Variants in SF3A1 observed in about 807,000 individuals in gnomAD.
The protein encoded by SF3A1 is splicing factor 3a subunit 1.
SF3A1 carries 13 observed loss-of-function variants against 89.9 expected under a neutral mutation model. The observed-to-expected ratio is 0.14, with a 90% CI of 0.09 to 0.23. SF3A1 has a LOEUF of 0.23. Ranked by LOEUF, SF3A1 falls within the 10% of genes least tolerant of loss-of-function variation. The pLI is 1.00. For synonymous variants in SF3A1, 405 were observed against 374.4 expected, an observed-to-expected ratio of 1.08 and a Z score of -0.94; for missense variants, 604 against 1,022.1, an observed-to-expected ratio of 0.59 and a Z score of 5.58.
Position 30,340,244 on chromosome 22 carries a change from C to T in SF3A1, c.1327G>A (p.Asp443Asn), listed in dbSNP as rs747017478. Reference sequence around the variant, plus strand: ...CTCTGCTTCTCACGGATGGAGCGATCCCGCTGCTCCAGCCAGCGAGGGTCA... The same window carrying T: ...CTCTGCTTCTCACGGATGGAGCGATTCCGCTGCTCCAGCCAGCGAGGGTCA... Reference protein sequence around the residue: ...LLDPRWLEQRDRSIREKQSDD... With the variant: ...LLDPRWLEQRNRSIREKQSDD... Residue 443 changes from aspartate to asparagine, a missense_variant, in exon 9 of 16, where the codon GAT becomes AAT. By Grantham distance (23) the Asp-to-Asn change is conservative. Around this residue, in one of 9 missense-constraint regions of SF3A1, gnomAD observed 146 missense variants for 228.5 expected, o/e 0.64. Transcript: ENST00000215793. 2 of 1,607,858 alleles carry T rather than the reference C, an allele frequency of 1.2e-6. No homozygotes were observed. Among genetic ancestry groups the T allele is most frequent in the African/African-American group, 1.3e-5 (1 of 74,520 alleles).
Position 30,340,304 on chromosome 22 carries a change from T to C in SF3A1, c.1267A>G (p.Ser423Gly), listed in dbSNP as rs1931208796. 1.2e-6 allele frequency: 2 copies of C among 1,613,040 alleles called. No individual in the cohort carries two copies. Among genetic ancestry groups the C allele is most frequent in the Non-Finnish European group, 1.7e-6 (2 of 1,179,762 alleles). ...SPITGEKIPA[S>G]KMQEHMRIGL... ...ATGCGCATGTGTTCCTGCATTTTGC[T>C]GGCGGGGATCTTCTCCCCAGTAATG... Residue 423 changes from serine (S) to glycine (G), a missense_variant, in exon 9 of 16, where the codon AGC (serine) becomes GGC (glycine). Physicochemically the swap from Ser to Gly is moderately conservative, Grantham distance 56 (BLOSUM62 0). Around this residue, in one of 9 missense-constraint regions of SF3A1, gnomAD observed 146 missense variants for 228.5 expected, o/e 0.64. Coordinates refer to ENST00000215793, the MANE Select transcript of SF3A1 (RefSeq NM_005877.6).
chr22:30,349,042 A>C (rs558402375), intron 2 of SF3A1, among the ~76,000 whole-genome samples: 24 of 152,368 alleles, frequency 1.6e-4, no homozygotes, highest in African/African-American at 5.8e-4. Flanking sequence ...GACTCAACCC[A>C]GCTGGTGGGA....
Position 30,356,720 on chromosome 22 carries a change from G to A in SF3A1, c.63+10C>T, listed in dbSNP as rs777836486. 15 of 1,489,284 alleles carry A rather than the reference G, an allele frequency of 1.0e-5. No individual in the cohort carries two copies. The Admixed American group carries it at 2.0e-4, about 20-fold the overall frequency. 92.3% of individuals were successfully genotyped at this position (1,489,284 alleles called of 1,614,324 possible). The stretch of plus-strand genomic sequence containing the variant: ...CTCCGGCTGCAGGCTGAGGGGCGGG[G>A]GAGAGGTACCTGTTTGGGCTCCGTG... On this transcript the variant is annotated intron_variant, in intron 1 of 15. Transcript: ENST00000215793.
chr22:30,352,805 T>C lies in SF3A1; in HGVS notation c.185+146A>G. On this transcript the variant is annotated intron_variant, in intron 2 of 15. Coordinates refer to ENST00000215793, the MANE Select transcript of SF3A1 (RefSeq NM_005877.6). ...GTGTCAGGGACACCAGTCCTACCTA[T>C]TGCCTACCCCAGTGCCATGTTGTGG... 4 of 861,510 alleles carry C rather than the reference T, an allele frequency of 4.6e-6. No individual in the cohort carries two copies. In the South Asian group the frequency reaches 5.1e-5, roughly 11 times the overall value. The allele number at this position is 861,510 out of a possible 1,614,324, so 53.4% of individuals were successfully genotyped here. A position where few individuals can be genotyped will look rare whatever the true frequency, so the allele number is the denominator to read the frequency against.
chr22:30,334,516 G>GA lies in SF3A1; in HGVS notation c.*77_*78insT. ...TATGCAGGCAAGGCAAAGCCTCAGG[G>GA]GGGCTCCTGGGTCTGGGGCAGGGGG... On this transcript the variant is annotated 3_prime_UTR_variant, in exon 16 of 16. Coordinates refer to ENST00000215793, the MANE Select transcript of SF3A1 (RefSeq NM_005877.6). 2.3e-6 allele frequency: 2 copies of GA among 853,574 alleles called. No individual in the cohort carries two copies. The highest frequency in any genetic ancestry group is 3.6e-6 in the Non-Finnish European group (2 of 548,882). 52.9% of individuals were successfully genotyped at this position (853,574 alleles called of 1,614,324 possible).
chr22:30,332,366 C>T lies in SF3A1; in HGVS notation c.*2228G>A, dbSNP rs1168524785. 6.6e-6 allele frequency: 1 copy of T among 152,200 alleles called. No homozygotes were observed. Among genetic ancestry groups the T allele is most frequent in the African/African-American group, 2.4e-5 (1 of 41,432 alleles). 9.4% of individuals were successfully genotyped at this position (152,200 alleles called of 1,614,324 possible). On this transcript the variant is annotated 3_prime_UTR_variant, in exon 16 of 16. Transcript: ENST00000215793. The stretch of plus-strand genomic sequence containing the variant: ...CAAAATTATGGTGACTTAAGTCCCA[C>T]ACCACCTGTTTTCCCAGCAGTCCTG...
intron 2 of SF3A1, among the ~76,000 whole-genome samples, chr22:30,348,376 C>T (rs952716982): frequency 1.3e-5 from 2 of 152,124 alleles, no homozygotes; most frequent in South Asian, 2.1e-4. Context: ...GGCACAGTGG[C>T]GCACACTTGT....
intron 2 of SF3A1, among the ~76,000 whole-genome samples, chr22:30,350,797 T>A (rs535349842): frequency 6.6e-6 from 1 of 152,336 alleles, no homozygotes; most frequent in East Asian, 1.9e-4. Context: ...ATTCTGTTTT[T>A]AAAGTATCAG....
At chr22:30,339,547 G>A (rs1275237690) in intron 9 of SF3A1, among the ~76,000 whole-genome samples, 7 of 152,216 alleles carry the variant, frequency 4.6e-5, no homozygotes, top group Non-Finnish European at 7.4e-5. Flanking sequence ...TCTGAGGTCA[G>A]GAGTTCGAGA....
In SF3A1 at chr22:30,346,475, T is replaced by C. The variant is rs1444915294; in HGVS notation, c.230A>G (p.Asn77Ser). The change falls in exon 3 of 16, where the codon AAC (asparagine) becomes AGC (serine). Residue 77 changes from asparagine (N) to serine (S), a missense_variant. Asn to Ser is a conservative substitution (Grantham distance 46, BLOSUM62 1). Around this residue, in one of 9 missense-constraint regions of SF3A1, gnomAD observed 162 missense variants for 229.2 expected, o/e 0.71. Transcript: ENST00000215793. ...FEARIRQNEI[N>S]NPKFNFLNPN... is the part of the protein sequence containing the mutation. ...GTTCAGAAAGTTGAACTTGGGGTTG[T>C]TGATCTCGTTCTGTCGGATCCTAGC... is the stretch of plus-strand genomic sequence containing the variant. 6.2e-7 allele frequency: 1 copy of C among 1,614,156 alleles called. No homozygotes were observed. Among genetic ancestry groups the C allele is most frequent in the Non-Finnish European group, 8.5e-7 (1 of 1,180,018 alleles).
chr22:30,347,373 T>C (rs1296541329), intron 2 of SF3A1, among the ~76,000 whole-genome samples: 1 of 152,100 alleles, frequency 6.6e-6, no homozygotes. Flanking sequence ...ACCACCCCCA[T>C]TATACTGGTG....
At chr22:30,340,847 G>C (rs753401546) in intron 7 of SF3A1, 35 bp from the exon 8 acceptor site, 27 of 1,211,598 alleles carry the variant, frequency 2.2e-5, no homozygotes, top group Non-Finnish European at 3.1e-5. Context: ...CTCAGAGAGG[G>C]GCTGAGGCCA....
At chr22:30,340,646 C>A (rs1372686825) in intron 8 of SF3A1, 49 bp downstream of exon 8, 1 of 1,191,546 alleles carries the variant, frequency 8.4e-7, no homozygotes, top group Non-Finnish European at 1.2e-6. Flanking sequence ...CATGAGGGCA[C>A]ACAGGACTTC....
chr22:30,345,075 G>A lies in SF3A1; in HGVS notation c.509C>T (p.Thr170Met), dbSNP rs370505540. Reference sequence around the variant, plus strand: ...CCCATTCCTGGCCACAAACTGAGCCGTCAGCTTCACCACATCCAAGTCGAA... The same window carrying A: ...CCCATTCCTGGCCACAAACTGAGCCATCAGCTTCACCACATCCAAGTCGAA... The part of the protein sequence containing the change: ...SAFDLDVVKL[T>M]AQFVARNGRQ... The change falls in exon 4 of 16, where the codon ACG becomes ATG. Residue 170 changes from threonine (T) to methionine (M), a missense_variant. Physicochemically the swap from Thr to Met is moderately conservative, Grantham distance 81 (BLOSUM62 -1). Around this residue, in one of 9 missense-constraint regions of SF3A1, gnomAD observed 162 missense variants for 229.2 expected, o/e 0.71. Coordinates refer to ENST00000215793, the MANE Select transcript of SF3A1 (RefSeq NM_005877.6). The A allele has an allele frequency of 2.5e-6, 4 of 1,614,082 alleles. No homozygotes were observed. The highest frequency in any genetic ancestry group is 3.4e-6 in the Non-Finnish European group (4 of 1,180,056).
chr22:30,339,272 G>C, intron 9 of SF3A1, 21 bp from the exon 10 acceptor site: 1 of 1,613,012 alleles, frequency 6.2e-7, no homozygotes, highest in Non-Finnish European at 8.5e-7. Flanking sequence ...ACAAAACAGA[G>C]GCAGAGGATA....
In SF3A1 at chr22:30,332,656, G is replaced by C. The variant is rs1930951968; in HGVS notation, c.*1938C>G. The C allele has an allele frequency of 6.6e-6, 1 of 152,246 alleles. No individual in the cohort carries two copies. Among genetic ancestry groups the C allele is most frequent in the Non-Finnish European group, 1.5e-5 (1 of 68,046 alleles). 9.4% of individuals were successfully genotyped at this position (152,246 alleles called of 1,614,324 possible). On this transcript the variant is annotated 3_prime_UTR_variant, in exon 16 of 16. Coordinates refer to ENST00000215793, the MANE Select transcript of SF3A1 (RefSeq NM_005877.6). ...TCCTAAACTAGTGCAGTGCCAAGCA[G>C]CACACTGGGCCTGTGGCCACTGATG...
Position 30,340,343 on chromosome 22 carries a change from A to G in SF3A1, c.1228T>C (p.Tyr410His), listed in dbSNP as rs1352965421. The G allele has an allele frequency of 6.2e-7, 1 of 1,611,712 alleles. No homozygotes were observed. Among genetic ancestry groups the G allele is most frequent in the Non-Finnish European group, 8.5e-7 (1 of 1,179,470 alleles). ...PLPPAPAPDE[Y>H]LVSPITGEKI... ...TCCCCAGTAATGGGGGACACAAGAT[A>G]CTCATCTGGAGCAGGGGCTGGAGGC... The change falls in exon 9 of 16, where the codon TAT becomes CAT. Residue 410 changes from tyrosine (Y) to histidine (H), a missense_variant. Transcript: ENST00000215793.
chr22:30,356,617 G>T, intron 1 of SF3A1, 113 bp downstream of exon 1: 1 of 792,754 alleles, frequency 1.3e-6, no homozygotes, highest in Non-Finnish European at 1.8e-6. Context: ...GCAGCCTCTT[G>T]GGACTTGCAG....
intron 12 of SF3A1, 88 bp from the exon 13 acceptor site, chr22:30,337,268 AAGG>A: frequency 1.5e-6 from 2 of 1,297,860 alleles, no homozygotes; most frequent in Non-Finnish European, 1.1e-6. Flanking sequence ...GAAGGTTGCA[AAGG>A]TTTCCTCTAG....
Sources: allele counts gnomAD v4.1 joint callset (sites outside exome capture counted in the v4.1 genomes callset), GRCh38; gene constraint gnomAD v4.1.1; regional missense constraint gnomAD v4.1.1; transcripts MANE v1.5; gene names NCBI Gene and HGNC (gene_info 2026-07-23, HGNC 2026-07-21).